Variants in RASAL2 observed in about 807,000 individuals in gnomAD.
RASAL2 encodes RAS protein activator like 2.
In RASAL2, 58 loss-of-function variants were observed where a neutral mutation model predicts 128.9. The ratio of observed to expected loss-of-function variants is 0.45; its 90% confidence interval spans 0.36 to 0.56. RASAL2 has a LOEUF of 0.56. Ranked by LOEUF, RASAL2 falls within the 20% of genes least tolerant of loss-of-function variation. The probability of loss-of-function intolerance (pLI) is 0.00; values close to 1 mark genes in which losing one functional copy is unlikely to be tolerated. For missense variants in RASAL2, 1,360 were observed against 1,601.6 expected (o/e 0.85, Z 2.57); for synonymous variants, 561 against 580.8 (o/e 0.97, Z 0.49).
rs190333162 is a variant in RASAL2 at position 178,158,987 on chromosome 1, G to A, written c.202+64293G>A. Among the ~76,000 whole-genome samples, 13 of 152,216 alleles carry A rather than the reference G, an allele frequency of 8.5e-5. No individual in the cohort carries two copies. The East Asian group carries it at 1.2e-3, about 14-fold the overall frequency. Reference sequence around the variant, plus strand: ...TGCTCAGGCTTAACTCCAGATTACCGGATAATATTTACCCTGTGAGCTCAA... The same window carrying A: ...TGCTCAGGCTTAACTCCAGATTACCAGATAATATTTACCCTGTGAGCTCAA... On this transcript the variant is annotated intron_variant, in intron 1 of 17. Transcript: ENST00000367649.
In RASAL2 at chr1:178,243,129, G is replaced by T. The variant is rs1158046104; in HGVS notation, c.203-40435G>T. 2.0e-5 allele frequency among the ~76,000 whole-genome samples: 3 copies of T among 152,118 alleles called. No homozygotes were observed. The East Asian group carries it at 5.8e-4, about 29-fold the overall frequency. ...TATTTAGATCTTTTATTTTAGCAGG[G>T]AGTTGCCCTACTCAAGTTTAGCATG... On this transcript the variant is annotated intron_variant, in intron 1 of 17. Coordinates refer to ENST00000367649, the MANE Select transcript of RASAL2 (RefSeq NM_170692.4).
intron 3 of RASAL2, among the ~76,000 whole-genome samples, chr1:178,375,491 A>G (rs957020429): frequency 6.6e-6 from 1 of 152,152 alleles, no homozygotes; most frequent in Non-Finnish European, 1.5e-5. Flanking sequence ...GCAGTAGTAC[A>G]GGTATGCAAT....
intron 1 of RASAL2, among the ~76,000 whole-genome samples, chr1:178,120,782 G>A (rs1659689344): frequency 6.6e-6 from 1 of 152,172 alleles, no homozygotes; most frequent in South Asian, 2.1e-4. Context: ...CTCATAAGGG[G>A]CACACAACCT....
intron 1 of RASAL2, among the ~76,000 whole-genome samples, chr1:178,237,804 C>T (rs1257168777): frequency 6.6e-6 from 1 of 152,116 alleles, no homozygotes; most frequent in Non-Finnish European, 1.5e-5. Context: ...TGTTGTTCAA[C>T]CATCACCATC....
intron 3 of RASAL2, among the ~76,000 whole-genome samples, chr1:178,354,557 C>T (rs1670697394): frequency 6.6e-6 from 1 of 152,196 alleles, no homozygotes; most frequent in Non-Finnish European, 1.5e-5. Flanking sequence ...AAAATTAAAA[C>T]TTCACAAGTG....
At position 178,180,553 on chromosome 1, in the gene RASAL2, G is replaced by A. The variant is rs571985243; in HGVS notation, c.202+85859G>A. ...GTATGATGGCGCGCCTATAGTGCCA[G>A]CTTCTCAGGAGGCTGACGTGAGAGA... On this transcript the variant is annotated intron_variant, in intron 1 of 17. Coordinates refer to ENST00000367649, the MANE Select transcript of RASAL2 (RefSeq NM_170692.4). Among the ~76,000 whole-genome samples the A allele has an allele frequency of 8.7e-4, 129 of 147,758 alleles. No individual in the cohort carries two copies. The Middle Eastern group carries it at 0.011, about 12-fold the overall frequency.
chr1:178,413,628 C>A (rs556066450), intron 4 of RASAL2, among the ~76,000 whole-genome samples: 1 of 152,260 alleles, frequency 6.6e-6, no homozygotes, highest in East Asian at 1.9e-4. Context: ...GCAGAAAACA[C>A]AGTTTAAAGA....
chr1:178,386,498 G>A (rs569246363), intron 3 of RASAL2, among the ~76,000 whole-genome samples: 8 of 152,142 alleles, frequency 5.3e-5, no homozygotes, highest in Non-Finnish European at 8.8e-5. Context: ...GAGCTGTATT[G>A]GAGGTTATCT....
At chr1:178,217,551 C>G (rs184265785) in intron 1 of RASAL2, among the ~76,000 whole-genome samples, 1 of 152,256 alleles carries the variant, frequency 6.6e-6, no homozygotes, top group Admixed American at 6.5e-5. Context: ...AGTTCCAGAC[C>G]ACTGCAATAA....
intron 17 of RASAL2, chr1:178,470,657 T>C (rs763362503): frequency 2.9e-6 from 4 of 1,358,398 alleles, no homozygotes; most frequent in East Asian, 4.6e-5. Context: ...GCCTAGTTAC[T>C]GTTGCAAGTG....
At chr1:178,295,102 A>G (rs780432056) in intron 2 of RASAL2, among the ~76,000 whole-genome samples, 2 of 152,174 alleles carry the variant, frequency 1.3e-5, no homozygotes, top group Non-Finnish European at 2.9e-5. Flanking sequence ...TGATTTATTT[A>G]TATCTTCACA....
At position 178,270,507 on chromosome 1, in the gene RASAL2, A is replaced by G. The variant is rs187047889; in HGVS notation, c.203-13057A>G. Reference sequence around the variant, plus strand: ...TAAGTGTTGCTTTTTATTAAAAAATATCTTATTTTTGTTTCCTGGATGCCA... The same window carrying G: ...TAAGTGTTGCTTTTTATTAAAAAATGTCTTATTTTTGTTTCCTGGATGCCA... On this transcript the variant is annotated intron_variant, in intron 1 of 17. Transcript: ENST00000367649. Among the ~76,000 whole-genome samples, 4 of 151,866 alleles carry G rather than the reference A, an allele frequency of 2.6e-5. No individual in the cohort carries two copies. The East Asian group carries it at 7.7e-4, about 29-fold the overall frequency.
chr1:178,247,920 T>A (rs977880322), intron 1 of RASAL2, among the ~76,000 whole-genome samples: 1 of 152,214 alleles, frequency 6.6e-6, no homozygotes, highest in African/African-American at 2.4e-5. Flanking sequence ...TTGATTGCAT[T>A]GTGGTCTGAG....
intron 3 of RASAL2, among the ~76,000 whole-genome samples, chr1:178,311,735 C>G (rs1192976244): frequency 6.6e-6 from 1 of 151,530 alleles, no homozygotes; most frequent in Non-Finnish European, 1.5e-5. Flanking sequence ...TGTATTTAGC[C>G]CAAGAAGAAA....
chr1:178,153,176 T>C (rs1441218116), intron 1 of RASAL2, among the ~76,000 whole-genome samples: 1 of 152,132 alleles, frequency 6.6e-6, no homozygotes, highest in Non-Finnish European at 1.5e-5. Context: ...ATAGTGTAGA[T>C]TTTGCTGGTT....
intron 1 of RASAL2, among the ~76,000 whole-genome samples, chr1:178,204,699 C>T (rs1242561600): frequency 6.6e-6 from 1 of 152,142 alleles, no homozygotes; most frequent in African/African-American, 2.4e-5. Flanking sequence ...TAAATCCATC[C>T]TATATTCTGT....
chr1:178,307,400 A>G (rs1668048699), intron 3 of RASAL2, among the ~76,000 whole-genome samples: 1 of 152,216 alleles, frequency 6.6e-6, no homozygotes, highest in Non-Finnish European at 1.5e-5. Context: ...TAGTAACAGT[A>G]TCCAGATTTT....
intron 1 of RASAL2, among the ~76,000 whole-genome samples, chr1:178,133,678 C>A (rs866149226): frequency 6.6e-6 from 1 of 152,082 alleles, no homozygotes; most frequent in Non-Finnish European, 1.5e-5. Flanking sequence ...GCCCTGCTCC[C>A]AATGAAAGCC....
rs7537599 is a variant in RASAL2, at chr1:178,235,227, C to T, written c.203-48337C>T. ...AATTAAGAGTTTAAAATCTTACAAT[C>T]AGTTCCTCTCAATGGTTAGCATGTG... is the stretch of plus-strand genomic sequence containing the variant. On this transcript the variant is annotated intron_variant, in intron 1 of 17. Transcript: ENST00000367649. 3.0e-3 allele frequency among the ~76,000 whole-genome samples: 450 copies of T among 152,262 alleles called. 3 individuals are homozygous for T. Among genetic ancestry groups the T allele is most frequent in the African/African-American group, 0.01 (419 of 41,550 alleles).
Sources: gnomAD v4.1 joint callset for allele counts (sites outside exome capture counted in the v4.1 genomes callset) on GRCh38, gnomAD v4.1.1 for gene constraint, MANE v1.5 for transcripts, NCBI Gene and HGNC (gene_info 2026-07-23, HGNC 2026-07-21) for gene names.